SEMA4D: variants seen among roughly 807,000 people sequenced by gnomAD.
The protein encoded by SEMA4D is semaphorin 4D.
In SEMA4D, 22 loss-of-function variants were observed where a neutral mutation model predicts 74.8. That is an observed-to-expected ratio of 0.29 (90% confidence interval 0.21 to 0.42). The LOEUF is 0.42. Ranked by LOEUF, SEMA4D falls within the 10% of genes least tolerant of loss-of-function variation. The probability of loss-of-function intolerance (pLI) is 1.00; values close to 1 mark genes in which losing one functional copy is unlikely to be tolerated. For synonymous variants in SEMA4D, 445 were observed against 463.7 expected (o/e 0.96, Z 0.52); for missense variants, 937 against 1,118.4 (o/e 0.84, Z 2.31).
rs569320537 is a variant in SEMA4D, at chr9:89,364,143, G to T, written c.1883-193C>A. 2.6e-6 allele frequency: 3 copies of T among 1,167,698 alleles called. No homozygotes were observed. The African/African-American group carries it at 4.6e-5, about 18-fold the overall frequency. The allele number at this position is 1,167,698 out of a possible 1,614,324, so 72.3% of individuals were successfully genotyped here. ...CCAGCGGGAGCCTTGGCCTTGGCCCGTCCTGTGGACTTCCTGCTCTTTGAC... is the reference window on the plus strand; with the variant it reads ...CCAGCGGGAGCCTTGGCCTTGGCCCTTCCTGTGGACTTCCTGCTCTTTGAC... On this transcript the variant is annotated intron_variant, in intron 16 of 18. Coordinates refer to the SEMA4D transcript ENST00000339861.
chr9:89,444,763 G>T (rs1852438625), intron 2 of SEMA4D, among the ~76,000 whole-genome samples: 1 of 152,078 alleles, frequency 6.6e-6, no homozygotes, highest in Admixed American at 6.5e-5. Flanking sequence ...GTACCCACGA[G>T]CCCTAAGAGA....
intron 3 of SEMA4D, among the ~76,000 whole-genome samples, chr9:89,403,918 G>T (rs1842711952): frequency 6.6e-6 from 1 of 152,196 alleles, no homozygotes; most frequent in Non-Finnish European, 1.5e-5. Context: ...AACAGAGCCA[G>T]ACCCTGACTT....
chr9:89,477,227 A>C (rs1055694650), intron 1 of SEMA4D, among the ~76,000 whole-genome samples: 1 of 151,874 alleles, frequency 6.6e-6, no homozygotes, highest in African/African-American at 2.4e-5. Context: ...TCACACACAC[A>C]TGCATATATG....
chr9:89,449,522 C>T, intron 2 of SEMA4D: 2 of 759,010 alleles, frequency 2.6e-6, no homozygotes, highest in South Asian at 2.7e-5. Flanking sequence ...AGGGGCGGCT[C>T]AGGGGAAACG....
chr9:89,369,654 G>C (rs540533633), intron 16 of SEMA4D: 13 of 152,366 alleles, frequency 8.5e-5, no homozygotes, highest in African/African-American at 3.1e-4. Flanking sequence ...GCACACGGGT[G>C]GTGGGGTTAT....
chr9:89,385,866 G>GGGGGGGGGGGGGGGCCCCCC, intron 13 of SEMA4D: 1 of 196,226 alleles, frequency 5.1e-6, no homozygotes, highest in Non-Finnish European at 9.0e-6. Flanking sequence ...CAGCGTGGAT[G>GGGGGGGGGGGGGGGCCCCCC]CCCGCCCACC....
chr9:89,409,224 G>A (rs1843979845), intron 2 of SEMA4D, among the ~76,000 whole-genome samples: 1 of 152,228 alleles, frequency 6.6e-6, no homozygotes, highest in Non-Finnish European at 1.5e-5. Context: ...TTCTGGGAAA[G>A]GCAAAACCAT....
chr9:89,420,453 G>C (rs1846669226), intron 2 of SEMA4D, among the ~76,000 whole-genome samples: 1 of 152,158 alleles, frequency 6.6e-6, no homozygotes, highest in African/African-American at 2.4e-5. Context: ...AATTAATTAG[G>C]AGAGAGAAGC....
intron 2 of SEMA4D, among the ~76,000 whole-genome samples, chr9:89,408,998 G>A (rs1468554752): frequency 6.6e-6 from 1 of 152,230 alleles, no homozygotes; most frequent in African/African-American, 2.4e-5. Context: ...GAGGTAAGGC[G>A]TGCCAACCAC....
intron 2 of SEMA4D, among the ~76,000 whole-genome samples, chr9:89,441,658 C>T (rs1326406717): frequency 6.6e-6 from 1 of 152,222 alleles, no homozygotes; most frequent in African/African-American, 2.4e-5. Context: ...CCTCAGGGCT[C>T]CTGGGACCTG....
intron 13 of SEMA4D, among the ~76,000 whole-genome samples, chr9:89,383,938 T>C (rs1837788887): frequency 6.6e-6 from 1 of 152,114 alleles, no homozygotes; most frequent in Non-Finnish European, 1.5e-5. Context: ...CTCCCATCTC[T>C]GTCTCTGCTG....
At chr9:89,388,509 G>A (rs1458238108) in intron 11 of SEMA4D, 127 bp downstream of exon 11, 8 of 1,161,954 alleles carry the variant, frequency 6.9e-6, no homozygotes, top group African/African-American at 1.5e-5. Context: ...GGCCGTCCCT[G>A]TCCCAATGCA....
At chr9:89,458,107 C>T (rs1391368573) in intron 1 of SEMA4D, among the ~76,000 whole-genome samples, 3 of 152,150 alleles carry the variant, frequency 2.0e-5, no homozygotes, top group Non-Finnish European at 4.4e-5. Context: ...CTGCCCAAGA[C>T]AGAATAAAAA....
chr9:89,496,276 G>A (rs1826006530), intron 1 of SEMA4D, among the ~76,000 whole-genome samples: 1 of 152,174 alleles, frequency 6.6e-6, no homozygotes, highest in South Asian at 2.1e-4. Context: ...CCTCCCTTGT[G>A]CTGTGCTGCA....
chr9:89,405,774 C>G (rs1843190178), intron 2 of SEMA4D, 75 bp from the exon 3 acceptor site: 3 of 1,310,912 alleles, frequency 2.3e-6, no homozygotes, highest in East Asian at 2.9e-5. Flanking sequence ...TGTAGCCCCT[C>G]TGCTTGCCCT....
At chr9:89,426,362 A>G (rs1848108650) in intron 2 of SEMA4D, among the ~76,000 whole-genome samples, 1 of 152,172 alleles carries the variant, frequency 6.6e-6, no homozygotes. Flanking sequence ...TACAATTACA[A>G]AGTTAGACCA....
chr9:89,473,738 C>G (rs574852352), intron 1 of SEMA4D, among the ~76,000 whole-genome samples: 2 of 152,162 alleles, frequency 1.3e-5, no homozygotes, highest in Non-Finnish European at 2.9e-5. Context: ...GACTGTAATC[C>G]CAGCTACTTG....
chr9:89,372,611 G>C (rs1468026376), downstream of SEMA4D, among the ~76,000 whole-genome samples: 1 of 151,942 alleles, frequency 6.6e-6, no homozygotes, highest in African/African-American at 2.4e-5. Flanking sequence ...TGCACACTGA[G>C]GCAGTCGGCC....
chr9:89,375,941 G>C (rs1835732896), downstream of SEMA4D, among the ~76,000 whole-genome samples: 1 of 152,102 alleles, frequency 6.6e-6, no homozygotes, highest in South Asian at 2.1e-4. Flanking sequence ...ATACCTTACT[G>C]TAACCTCAAA....
Sources: gnomAD v4.1 joint callset for allele counts (sites outside exome capture counted in the v4.1 genomes callset) on GRCh38, gnomAD v4.1.1 for gene constraint, MANE v1.5 for transcripts, NCBI Gene and HGNC (gene_info 2026-07-23, HGNC 2026-07-21) for gene names.